Variants in CAMK2B observed in about 807,000 individuals in gnomAD.
CAMK2B encodes the protein calcium/calmodulin dependent protein kinase II beta, also known as calcium/calmodulin-dependent protein kinase type II subunit beta.
A neutral mutation model predicts 93.7 loss-of-function variants in CAMK2B; 27 were observed. That is an observed-to-expected ratio of 0.29 (90% CI 0.21 to 0.40). The LOEUF (loss-of-function observed/expected upper bound fraction) is 0.40, where lower values mean the gene tolerates loss of function less well. CAMK2B is among the 10% of genes least tolerant of loss of function. CAMK2B has a pLI of 1.00. For missense variants in CAMK2B, 568 were observed against 895.8 expected (o/e 0.63, Z 4.67); for synonymous variants, 374 against 358.8 (o/e 1.04, Z -0.48).
intron 2 of CAMK2B, among the ~76,000 whole-genome samples, chr7:44,266,624 G>C (rs556598974): frequency 2.6e-3 from 391 of 152,338 alleles, no homozygotes; most frequent in African/African-American, 9.0e-3. Flanking sequence ...AGTGGCCACT[G>C]AGCAGGTCCC....
chr7:44,307,922 G>A (rs1195955803), intron 1 of CAMK2B, among the ~76,000 whole-genome samples: 1 of 152,134 alleles, frequency 6.6e-6, no homozygotes, highest in Non-Finnish European at 1.5e-5. Context: ...CTGGAGTGCA[G>A]TGGTGTGACT....
intron 13 of CAMK2B, among the ~76,000 whole-genome samples, chr7:44,237,694 CG>C (rs962446492): frequency 1.3e-5 from 2 of 152,212 alleles, no homozygotes; most frequent in African/African-American, 2.4e-5. Context: ...TTCAAGGGCA[CG>C]GGAACTTCCT....
At chr7:44,281,443 C>T (rs2097101523) in intron 2 of CAMK2B, among the ~76,000 whole-genome samples, 1 of 152,210 alleles carries the variant, frequency 6.6e-6, no homozygotes, top group Admixed American at 6.5e-5. Flanking sequence ...AATCTGGCCA[C>T]CGCAGATGAC....
chr7:44,265,447 A>G (rs2096914455), intron 2 of CAMK2B, among the ~76,000 whole-genome samples: 1 of 152,274 alleles, frequency 6.6e-6, no homozygotes, highest in Non-Finnish European at 1.5e-5. Context: ...CGTGTGGGCC[A>G]GAGCCAGGCT....
At chr7:44,247,221 G>A (rs540895314) in intron 5 of CAMK2B, 29 bp from the exon 6 acceptor site, 8 of 1,602,116 alleles carry the variant, frequency 5.0e-6, no homozygotes, top group Admixed American at 1.7e-5. Flanking sequence ...GGGTTAGTGC[G>A]AGTGGCCCTG....
chr7:44,245,864 G>T (rs2096724906), intron 6 of CAMK2B, among the ~76,000 whole-genome samples: 1 of 152,132 alleles, frequency 6.6e-6, no homozygotes, highest in African/African-American at 2.4e-5. Flanking sequence ...TGCCATCAGG[G>T]TGATGGCCCC....
At position 44,290,157 on chromosome 7, in the gene CAMK2B, C is replaced by T. The variant is rs116547418; in HGVS notation, c.66-5932G>A. On this transcript the variant is annotated intron_variant, in intron 1 of 23. Transcript: ENST00000395749. ...CAAGGGCCATGGGACCCCTTCAATC[C>T]ACAGCAAGGCCACACGCAATTCCAG... Among the ~76,000 whole-genome samples the T allele has an allele frequency of 4.6e-3, 698 of 152,350 alleles. 4 individuals are homozygous for T. The highest frequency in any genetic ancestry group is 0.016 in the African/African-American group (647 of 41,576).
chr7:44,296,829 C>T (rs1788448275), intron 1 of CAMK2B, among the ~76,000 whole-genome samples: 1 of 151,680 alleles, frequency 6.6e-6, no homozygotes, highest in African/African-American at 2.4e-5. Flanking sequence ...AGAAATTATC[C>T]ATCAAAAATA....
intron 5 of CAMK2B, among the ~76,000 whole-genome samples, chr7:44,250,256 G>A (rs2096767701): frequency 2.6e-5 from 4 of 152,226 alleles, no homozygotes; most frequent in Non-Finnish European, 5.9e-5. Context: ...TGAGACCACG[G>A]CCTTGGAGGA....
rs112619049 is a variant in CAMK2B, at chr7:44,241,557, T to A, written c.903+143A>T. The stretch of plus-strand genomic sequence containing the variant: ...AGCTGGCCTGAGTTCACCTGATGCA[T>A]CCAGTCTGGGACTTGCTAACAGTCA... On this transcript the variant is annotated intron_variant, in intron 11 of 23. Coordinates refer to ENST00000395749, the MANE Select transcript of CAMK2B (RefSeq NM_001220.5). 1,807 of 681,152 alleles carry A rather than the reference T, an allele frequency of 2.7e-3. 21 individuals are homozygous for A. In the African/African-American group the frequency reaches 0.028, roughly 10 times the overall value. The allele number at this position is 681,152 out of a possible 1,614,324, so 42.2% of individuals were successfully genotyped here.
chr7:44,255,410 A>T (rs758999104), intron 4 of CAMK2B, among the ~76,000 whole-genome samples: 2 of 152,174 alleles, frequency 1.3e-5, no homozygotes, highest in Non-Finnish European at 2.9e-5. Context: ...AGCCCTCTGC[A>T]GGTCTGCCCA....
intron 1 of CAMK2B, among the ~76,000 whole-genome samples, chr7:44,289,662 C>T (rs2129133687): frequency 6.6e-6 from 1 of 152,308 alleles, no homozygotes; most frequent in South Asian, 2.1e-4. Flanking sequence ...TGAGGTGACA[C>T]AGGTACCAGC....
chr7:44,287,137 G>A (rs1202937327), intron 1 of CAMK2B, among the ~76,000 whole-genome samples: 3 of 152,100 alleles, frequency 2.0e-5, no homozygotes, highest in Non-Finnish European at 2.9e-5. Context: ...AGGAGGGCTG[G>A]CTCCCAAGGA....
intron 3 of CAMK2B, among the ~76,000 whole-genome samples, chr7:44,262,798 C>A (rs766820772): frequency 1.3e-5 from 2 of 152,182 alleles, no homozygotes; most frequent in East Asian, 1.9e-4. Context: ...GCTCTGAGCA[C>A]CCCCGGGAAT....
At position 44,275,935 on chromosome 7, in the gene CAMK2B, C is replaced by T. The variant is rs182220620; in HGVS notation, c.160+8196G>A. On this transcript the variant is annotated intron_variant, in intron 2 of 23. Transcript: ENST00000395749. Reference sequence around the variant, plus strand: ...GGGGAGGGGGCGTTTCCCAGGGATTCCCCCAATTCCTGGCCACCCTCCAAA... The same window carrying T: ...GGGGAGGGGGCGTTTCCCAGGGATTTCCCCAATTCCTGGCCACCCTCCAAA... 2.4e-3 allele frequency among the ~76,000 whole-genome samples: 370 copies of T among 152,088 alleles called. 2 individuals carry two copies. The highest frequency in any genetic ancestry group is 8.2e-3 in the African/African-American group (340 of 41,492).
intron 2 of CAMK2B, among the ~76,000 whole-genome samples, chr7:44,270,477 A>G (rs1004541931): frequency 3.3e-5 from 5 of 152,236 alleles, no homozygotes; most frequent in African/African-American, 1.2e-4. Flanking sequence ...CACCAGACTC[A>G]GGGCTCTGAC....
rs140532245 is a variant in CAMK2B, at chr7:44,286,362, G to A, written c.66-2137C>T. 3.0e-4 allele frequency among the ~76,000 whole-genome samples: 46 copies of A among 152,226 alleles called. No individual in the cohort carries two copies. The East Asian group carries it at 6.0e-3, about 20-fold the overall frequency. On this transcript the variant is annotated intron_variant, in intron 1 of 23. Transcript: ENST00000395749. This position sits in a 1 kb window ranked among gnomAD's most constrained non-coding sequence, Gnocchi z 4.0. ...AGTCTGGGCCTCCGTGCGCCAGAACGCAACCACACACTGCAGGGTTGACCC... is the reference window on the plus strand; with the variant it reads ...AGTCTGGGCCTCCGTGCGCCAGAACACAACCACACACTGCAGGGTTGACCC...
chr7:44,318,561 C>T (rs1168100920), intron 1 of CAMK2B, among the ~76,000 whole-genome samples: 4 of 152,216 alleles, frequency 2.6e-5, no homozygotes, highest in African/African-American at 4.8e-5. Context: ...GGAAACGGCA[C>T]TCACTGGGAT....
chr7:44,307,923 T>C (rs546857271), intron 1 of CAMK2B, among the ~76,000 whole-genome samples: 4 of 152,182 alleles, frequency 2.6e-5, no homozygotes, highest in African/African-American at 9.6e-5. Flanking sequence ...TGGAGTGCAG[T>C]GGTGTGACTG....
Sources: gnomAD v4.1 joint callset for allele counts (sites outside exome capture counted in the v4.1 genomes callset) on GRCh38, gnomAD v4.1.1 for gene constraint, Gnocchi (gnomAD v3.1) non-coding constraint, MANE v1.5 for transcripts, NCBI Gene and HGNC (gene_info 2026-07-23, HGNC 2026-07-21) for gene names.